Variants in SNX33 observed in about 807,000 individuals in gnomAD.
SNX33 encodes the protein sorting nexin 33.
Under a neutral mutation model 38.8 loss-of-function variants are expected in SNX33, and 19 were observed. The ratio of observed to expected loss-of-function variants is 0.49; its 90% CI spans 0.34 to 0.72. The LOEUF (loss-of-function observed/expected upper bound fraction) is 0.72. Among genes scored for constraint, SNX33 ranks in the 30% least tolerant of loss-of-function variants. SNX33 has a pLI of 0.01. For synonymous variants in SNX33, 246 were observed against 289.7 expected (o/e 0.85, Z 1.53); for missense variants, 641 against 776.4 (o/e 0.83, Z 2.07).
rs371112191 is a variant in SNX33, at chr15:75,649,438, T to A, written c.336T>A (p.Asp112Glu). 2.0e-6 allele frequency: 3 copies of A among 1,532,030 alleles called. No homozygotes were observed. The highest frequency in any genetic ancestry group is 2.6e-5 in the South Asian group (2 of 78,116). The allele number at this position is 1,532,030 out of a possible 1,614,324, so 94.9% of individuals were successfully genotyped here. A position where few individuals can be genotyped will look rare whatever the true frequency, so the allele number is the denominator to read the frequency against. ...CAAACCAGGGTAGCTTTGAGGAGGA[T>A]GATGATGATGACTGGGATGACTGGG... is the stretch of plus-strand genomic sequence containing the variant. ...FLSNQGSFEE[D>E]DDDDWDDWDD... Residue 112 changes from aspartate (D) to glutamate (E), a missense_variant, in exon 1 of 2, where the codon GAT becomes GAA. Coordinates refer to ENST00000308527, the MANE Select transcript of SNX33 (RefSeq NM_153271.2). The surrounding 1 kb of genome is among the most constrained non-coding windows in gnomAD (Gnocchi z 6.6).
Position 75,657,029 on chromosome 15 carries a change from A to G in SNX33, c.1539A>G (p.Ala513=). 1 of 1,614,156 alleles carries G rather than the reference A, an allele frequency of 6.2e-7. No homozygotes were observed. Among genetic ancestry groups the G allele is most frequent in the Non-Finnish European group, 8.5e-7 (1 of 1,180,018 alleles). Reference sequence around the variant, plus strand: ...AGGGCCGCATGGTGCAGGACGAGGCAGACGGCATTCGCAGGCGCTGCCGCG... The same window carrying G: ...AGGGCCGCATGGTGCAGGACGAGGCGGACGGCATTCGCAGGCGCTGCCGCG... ...SDEGRMVQDE[A]DGIRRRCRVV... Residue 513 remains alanine (A), a synonymous_variant, in exon 2 of 2, where the codon GCA becomes GCG. Coordinates refer to ENST00000308527, the MANE Select transcript of SNX33 (RefSeq NM_153271.2). This position sits in a 1 kb window ranked among gnomAD's most constrained non-coding sequence, Gnocchi z 5.5.
rs1893551383 is a variant in SNX33, at chr15:75,649,707, T to C, written c.605T>C (p.Val202Ala). 1 of 1,549,962 alleles carries C rather than the reference T, an allele frequency of 6.5e-7. No homozygotes were observed. Among genetic ancestry groups the C allele is most frequent in the Non-Finnish European group, 8.7e-7 (1 of 1,144,548 alleles). Residue 202 changes from valine to alanine, a missense_variant, in exon 1 of 2, where the codon GTG becomes GCG. Physicochemically the swap from Val to Ala is moderately conservative, Grantham distance 64. This residue lies in a region of SNX33 where 398 missense variants were observed against 542.5 expected (regional missense o/e 0.73). Coordinates refer to ENST00000308527, the MANE Select transcript of SNX33 (RefSeq NM_153271.2). The surrounding 1 kb of genome is among the most constrained non-coding windows in gnomAD (Gnocchi z 6.6). ...SGVEAFILGDVPMMAKIAETY... is the reference protein window; with the variant it reads ...SGVEAFILGDAPMMAKIAETY... Reference sequence around the variant, plus strand: ...GTGGAGGCCTTCATCCTGGGTGATGTGCCCATGATGGCCAAGATCGCTGAG... The same window carrying C: ...GTGGAGGCCTTCATCCTGGGTGATGCGCCCATGATGGCCAAGATCGCTGAG...
Position 75,650,069 on chromosome 15 carries a change from C to T in SNX33, c.967C>T (p.Leu323Phe). The change falls in exon 1 of 2, where the codon CTC (leucine) becomes TTC (phenylalanine). Residue 323 changes from leucine to phenylalanine, a missense_variant. Leu to Phe is a conservative substitution (Grantham distance 22). Transcript: ENST00000308527. This position sits in a 1 kb window ranked among gnomAD's most constrained non-coding sequence, Gnocchi z 6.1. The part of the protein sequence containing the change: ...WMDHMTSHPV[L>F]SQYEGFQHFL... The stretch of plus-strand genomic sequence containing the variant: ...GGACCACATGACCAGCCACCCTGTG[C>T]TCTCCCAGTACGAAGGCTTCCAGCA... The T allele has an allele frequency of 6.2e-7, 1 of 1,613,956 alleles. No homozygotes were observed. Among genetic ancestry groups the T allele is most frequent in the Non-Finnish European group, 8.5e-7 (1 of 1,179,932 alleles).
chr15:75,652,118 G>C lies in SNX33; in HGVS notation c.1471+1545G>C, dbSNP rs527465754. On this transcript the variant is annotated intron_variant, in intron 1 of 1. Coordinates refer to ENST00000308527, the MANE Select transcript of SNX33 (RefSeq NM_153271.2). ...TGCCCCTAGATTGCTGTGCGTCCCC[G>C]GGGAGTGCCTTTGCCCCTCTGGGCC... 1.2e-3 allele frequency among the ~76,000 whole-genome samples: 186 copies of C among 151,698 alleles called. 1 individual carries two copies. The highest frequency in any genetic ancestry group is 3.6e-3 in the African/African-American group (148 of 41,416).
In SNX33 at chr15:75,650,066, G is replaced by A; in HGVS notation, c.964G>A (p.Val322Met). The change falls in exon 1 of 2, where the codon GTG becomes ATG. Residue 322 changes from valine to methionine, a missense_variant. Around this residue, in one of 2 missense-constraint regions of SNX33, gnomAD observed 398 missense variants for 542.5 expected, o/e 0.73. Coordinates refer to ENST00000308527, the MANE Select transcript of SNX33 (RefSeq NM_153271.2). This position sits in a 1 kb window ranked among gnomAD's most constrained non-coding sequence, Gnocchi z 6.1. ...LWMDHMTSHPVLSQYEGFQHF... is the reference protein window; with the variant it reads ...LWMDHMTSHPMLSQYEGFQHF... ...GATGGACCACATGACCAGCCACCCT[G>A]TGCTCTCCCAGTACGAAGGCTTCCA... The A allele has an allele frequency of 6.2e-7, 1 of 1,613,878 alleles. No homozygotes were observed. Among genetic ancestry groups the A allele is most frequent in the Non-Finnish European group, 8.5e-7 (1 of 1,179,930 alleles).
Position 75,661,728 on chromosome 15 carries a change from C to G in SNX33, c.*4513C>G, listed in dbSNP as rs1342886214. The G allele has an allele frequency of 6.6e-6, 1 of 152,152 alleles. No individual in the cohort carries two copies. The highest frequency in any genetic ancestry group is 1.5e-5 in the Non-Finnish European group (1 of 68,032). The allele number at this position is 152,152 out of a possible 1,614,324, so 9.4% of individuals were successfully genotyped here. On this transcript the variant is annotated 3_prime_UTR_variant, in exon 2 of 2. Transcript: ENST00000308527. The surrounding 1 kb of genome is among the most constrained non-coding windows in gnomAD (Gnocchi z 4.5). The stretch of plus-strand genomic sequence containing the variant: ...AAGATGGGACCTGCCTAGGTTCACA[C>G]AGGGAATCTCTGGCGGGGCTGGACT...
chr15:75,653,267 C>A (rs1893606160), intron 1 of SNX33, among the ~76,000 whole-genome samples: 1 of 152,170 alleles, frequency 6.6e-6, no homozygotes, highest in African/African-American at 2.4e-5. Context: ...TCCCTGTAGC[C>A]CAATCCAGGG....
In SNX33 at chr15:75,650,102, A is replaced by G. The variant is rs1272930333; in HGVS notation, c.1000A>G (p.Ser334Gly). The change falls in exon 1 of 2, where the codon AGC (serine) becomes GGC (glycine). Residue 334 changes from serine (S) to glycine (G), a missense_variant. Coordinates refer to ENST00000308527, the MANE Select transcript of SNX33 (RefSeq NM_153271.2). This position sits in a 1 kb window ranked among gnomAD's most constrained non-coding sequence, Gnocchi z 6.1. ...GTACGAAGGCTTCCAGCATTTCCTC[A>G]GCTGCCTGGATGACAAGCAGTGGAA... ...SQYEGFQHFL[S>G]CLDDKQWKMG... 6.2e-7 allele frequency: 1 copy of G among 1,614,118 alleles called. No homozygotes were observed. Among genetic ancestry groups the G allele is most frequent in the South Asian group, 1.1e-5 (1 of 91,074 alleles).
Position 75,657,450 on chromosome 15 carries a change from G to A in SNX33, c.*235G>A, listed in dbSNP as rs906378620. 1.2e-5 allele frequency: 8 copies of A among 664,684 alleles called. No homozygotes were observed. Among genetic ancestry groups the A allele is most frequent in the Non-Finnish European group, 2.0e-5 (8 of 402,134 alleles). The allele number at this position is 664,684 out of a possible 1,614,324, so 41.2% of individuals were successfully genotyped here. A position where few individuals can be genotyped will look rare whatever the true frequency, so the allele number is the denominator to read the frequency against. ...GGTGAGAATAGAGTCAGGAGCCCTCGAGGCCAAGGCCTGGGCTGCCGGTCA... is the reference window on the plus strand; with the variant it reads ...GGTGAGAATAGAGTCAGGAGCCCTCAAGGCCAAGGCCTGGGCTGCCGGTCA... On this transcript the variant is annotated 3_prime_UTR_variant, in exon 2 of 2. Coordinates refer to ENST00000308527, the MANE Select transcript of SNX33 (RefSeq NM_153271.2). This position sits in a 1 kb window ranked among gnomAD's most constrained non-coding sequence, Gnocchi z 5.5.
At position 75,661,759 on chromosome 15, in the gene SNX33, C is replaced by T. The variant is rs1335707322; in HGVS notation, c.*4544C>T. The T allele has an allele frequency of 6.6e-6, 1 of 152,136 alleles. No individual in the cohort carries two copies. Among genetic ancestry groups the T allele is most frequent in the Non-Finnish European group, 1.5e-5 (1 of 68,032 alleles). The allele number at this position is 152,136 out of a possible 1,614,324, so 9.4% of individuals were successfully genotyped here. The stretch of plus-strand genomic sequence containing the variant: ...ATCTCTGGCGGGGCTGGACTCAAAC[C>T]CAGCTCCCTGCCATCACTCCTTAGA... On this transcript the variant is annotated 3_prime_UTR_variant, in exon 2 of 2. Transcript: ENST00000308527. The surrounding 1 kb of genome is among the most constrained non-coding windows in gnomAD (Gnocchi z 4.5).
At chr15:75,654,707 T>C (rs1211677933) in intron 1 of SNX33, among the ~76,000 whole-genome samples, 1 of 152,222 alleles carries the variant, frequency 6.6e-6, no homozygotes, top group Non-Finnish European at 1.5e-5. Flanking sequence ...TAGCATTAGC[T>C]GGTCCTGGCC....
Position 75,648,994 on chromosome 15 carries a change from CTG to C in SNX33, c.-105_-104del. On this transcript the variant is annotated 5_prime_UTR_variant, in exon 1 of 2. Coordinates refer to ENST00000308527, the MANE Select transcript of SNX33 (RefSeq NM_153271.2). This position sits in a 1 kb window ranked among gnomAD's most constrained non-coding sequence, Gnocchi z 4.4. ...CCACCTTAGGACCTGAGAGATTGAACTGTGTAAGCGCCATTCAGCTGCGAGTG... is the reference window on the plus strand; with the variant it reads ...CCACCTTAGGACCTGAGAGATTGAACTGTAAGCGCCATTCAGCTGCGAGTG... 1 of 1,361,796 alleles carries C rather than the reference CTG, an allele frequency of 7.3e-7. No homozygotes were observed. The allele number at this position is 1,361,796 out of a possible 1,614,324, so 84.4% of individuals were successfully genotyped here.
chr15:75,650,579 G>A lies in SNX33; in HGVS notation c.1471+6G>A. The A allele has an allele frequency of 1.9e-6, 3 of 1,578,614 alleles. No individual in the cohort carries two copies. The highest frequency in any genetic ancestry group is 2.6e-6 in the Non-Finnish European group (3 of 1,161,226). ...CATCATCCATCTACAAAAAGGTAAGGCCCAGTGCAGGCAGGAAACTCGTCC... is the reference window on the plus strand; with the variant it reads ...CATCATCCATCTACAAAAAGGTAAGACCCAGTGCAGGCAGGAAACTCGTCC... On this transcript the variant is annotated splice_donor_region_variant and intron_variant, in intron 1 of 1. Coordinates refer to ENST00000308527, the MANE Select transcript of SNX33 (RefSeq NM_153271.2). The surrounding 1 kb of genome is among the most constrained non-coding windows in gnomAD (Gnocchi z 6.1).
chr15:75,648,018 AG>A lies in SNX33; in HGVS notation c.-1082del. 1 of 985,418 alleles carries A rather than the reference AG, an allele frequency of 1.0e-6. No homozygotes were observed. The highest frequency in any genetic ancestry group is 1.2e-6 in the Non-Finnish European group (1 of 829,940). The allele number at this position is 985,418 out of a possible 1,614,324, so 61.0% of individuals were successfully genotyped here. The stretch of plus-strand genomic sequence containing the variant: ...CCGCCCCCCACTGGCCGGGCCCCGC[AG>A]GGCGGAGAGGAGGACGGACGGACAG... On this transcript the variant is annotated 5_prime_UTR_variant, in exon 1 of 2. Transcript: ENST00000308527. This position sits in a 1 kb window ranked among gnomAD's most constrained non-coding sequence, Gnocchi z 4.4.
At chr15:75,656,053 C>A (rs1348094772) in intron 1 of SNX33, among the ~76,000 whole-genome samples, 1 of 152,162 alleles carries the variant, frequency 6.6e-6, no homozygotes, top group Non-Finnish European at 1.5e-5. Flanking sequence ...TCATCTCCAC[C>A]CCCCATCTGT....
chr15:75,656,618 G>A (rs1209151419), intron 1 of SNX33, among the ~76,000 whole-genome samples: 1 of 152,190 alleles, frequency 6.6e-6, no homozygotes, highest in African/African-American at 2.4e-5. Flanking sequence ...AGGATCTGCT[G>A]TGGGCCAGGC....
Position 75,649,784 on chromosome 15 carries a change from C to T in SNX33, c.682C>T (p.His228Tyr). The change falls in exon 1 of 2, where the codon CAC (histidine) becomes TAC (tyrosine). Residue 228 changes from histidine to tyrosine, a missense_variant. Transcript: ENST00000308527. The surrounding 1 kb of genome is among the most constrained non-coding windows in gnomAD (Gnocchi z 6.6). ...PRGPQWKANP[H>Y]PFACSVEDPT... ...TGGCCCCCAGTGGAAGGCCAATCCCCACCCATTTGCCTGCTCTGTGGAGGA... is the reference window on the plus strand; with the variant it reads ...TGGCCCCCAGTGGAAGGCCAATCCCTACCCATTTGCCTGCTCTGTGGAGGA... 2.6e-6 allele frequency: 4 copies of T among 1,520,578 alleles called. No homozygotes were observed. In the South Asian group the frequency reaches 5.3e-5, roughly 20 times the overall value. The allele number at this position is 1,520,578 out of a possible 1,614,324, so 94.2% of individuals were successfully genotyped here.
chr15:75,649,203 C>T lies in SNX33; in HGVS notation c.101C>T (p.Ser34Leu). The part of the protein sequence containing the change: ...DEDLVIFSET[S>L]LDGWLQGQNS... ...GACCTGGTCATCTTTAGCGAGACCT[C>T]ACTGGATGGCTGGCTGCAGGGCCAG... The change falls in exon 1 of 2, where the codon TCA becomes TTA. Residue 34 changes from serine (S) to leucine (L), a missense_variant. Transcript: ENST00000308527. The surrounding 1 kb of genome is among the most constrained non-coding windows in gnomAD (Gnocchi z 6.6). 3.7e-6 allele frequency: 6 copies of T among 1,614,162 alleles called. No individual in the cohort carries two copies. The highest frequency in any genetic ancestry group is 5.1e-6 in the Non-Finnish European group (6 of 1,180,018).
Position 75,649,440 on chromosome 15 carries a change from A to G in SNX33, c.338A>G (p.Asp113Gly). Residue 113 changes from aspartate (D) to glycine (G), a missense_variant, in exon 1 of 2, where the codon GAT becomes GGT. By Grantham distance (94) the Asp-to-Gly change is moderately conservative (BLOSUM62 -1). Coordinates refer to ENST00000308527, the MANE Select transcript of SNX33 (RefSeq NM_153271.2). The surrounding 1 kb of genome is among the most constrained non-coding windows in gnomAD (Gnocchi z 6.6). ...AACCAGGGTAGCTTTGAGGAGGATG[A>G]TGATGATGACTGGGATGACTGGGAC... The part of the protein sequence containing the change: ...LSNQGSFEED[D>G]DDDWDDWDDG... 6.5e-7 allele frequency: 1 copy of G among 1,537,654 alleles called. No homozygotes were observed. Among genetic ancestry groups the G allele is most frequent in the Non-Finnish European group, 8.8e-7 (1 of 1,139,660 alleles).
Sources: allele counts gnomAD v4.1 joint callset (sites outside exome capture counted in the v4.1 genomes callset), GRCh38; gene constraint gnomAD v4.1.1; regional missense constraint gnomAD v4.1.1; non-coding constraint Gnocchi (gnomAD v3.1); transcripts MANE v1.5; gene names NCBI Gene and HGNC (gene_info 2026-07-23, HGNC 2026-07-21).